The following FAM227A variants were observed in gnomAD, a reference collection of about 807,000 sequenced individuals.
FAM227A encodes the protein family with sequence similarity 227 member A.
FAM227A carries 80 observed loss-of-function variants against 74.7 expected under a neutral mutation model. That is an observed-to-expected ratio of 1.07 (90% CI 0.89 to 1.29). The LOEUF (loss-of-function observed/expected upper bound fraction) is 1.29, where lower values mean the gene tolerates loss of function less well. Among genes scored for constraint, FAM227A ranks in the 50% most tolerant of loss-of-function variants. The pLI is 0.00. For missense variants in FAM227A, 654 were observed against 683.4 expected (o/e 0.96, Z 0.48); for synonymous variants, 237 against 241.8 (o/e 0.98, Z 0.19).
chr22:38,623,374 G>A (rs1474653963), intron 9 of FAM227A, 95 bp from the exon 10 acceptor site: 2 of 750,144 alleles, frequency 2.7e-6, no homozygotes, highest in Admixed American at 2.3e-5. Flanking sequence ...AGGATTGCTT[G>A]AGCCCAGGAG....
rs1208742686 is a variant in FAM227A at position 38,620,263 on chromosome 22, C to T, written c.987G>A (p.Lys329=). ...KGREFSLFAG[K]RAFSQKPAQS... is the part of the protein sequence containing the mutation. ...GGGCTGGCTTCTGGGAGAAGGCTCT[C>T]TTACCAGCAAACAAAGAAAACTCTC... Residue 329 remains lysine (K), a synonymous_variant, in exon 11 of 17, where the codon AAG becomes AAA. Coordinates refer to ENST00000535113, the MANE Select transcript of FAM227A (RefSeq NM_001013647.2). 1 of 1,551,266 alleles carries T rather than the reference C, an allele frequency of 6.4e-7. No homozygotes were observed. The highest frequency in any genetic ancestry group is 8.7e-7 in the Non-Finnish European group (1 of 1,146,740).
chr22:38,633,198 C>T (rs147504454), intron 6 of FAM227A, among the ~76,000 whole-genome samples: 205 of 152,242 alleles, frequency 1.3e-3, no homozygotes, highest in African/African-American at 4.4e-3. Flanking sequence ...AAGGTCCTTT[C>T]GAAGACGGGG....
At chr22:38,619,875 G>A (rs963417470) in intron 11 of FAM227A, among the ~76,000 whole-genome samples, 1 of 152,126 alleles carries the variant, frequency 6.6e-6, no homozygotes, top group Non-Finnish European at 1.5e-5. Context: ...ACGTATCAGG[G>A]ATGACTGCTA....
chr22:38,643,873 C>T lies in FAM227A; in HGVS notation c.225+1690G>A, dbSNP rs557625131. Among the ~76,000 whole-genome samples the T allele has an allele frequency of 1.4e-3, 206 of 152,246 alleles. 2 individuals carry two copies. Among genetic ancestry groups the T allele is most frequent in the African/African-American group, 4.6e-3 (193 of 41,534 alleles). On this transcript the variant is annotated intron_variant, in intron 3 of 16. Transcript: ENST00000535113. ...TTGTTCCCAGAGGGAACTGGCCAGGCGCAGTGGCTCACGCCTGTAATCCCA... is the reference window on the plus strand; with the variant it reads ...TTGTTCCCAGAGGGAACTGGCCAGGTGCAGTGGCTCACGCCTGTAATCCCA...
intron 2 of FAM227A, among the ~76,000 whole-genome samples, chr22:38,646,813 C>A (rs9610993): frequency 0.29 from 44,746 of 151,726 alleles, 6,678 homozygotes; most frequent in East Asian, 0.36. Flanking sequence ...CTTAACTGTT[C>A]CTTGGATATT....
At chr22:38,607,251 T>C (rs1393111421) in intron 12 of FAM227A, 138 bp downstream of exon 12, 2 of 575,232 alleles carry the variant, frequency 3.5e-6, no homozygotes, top group Non-Finnish European at 6.3e-6. Context: ...AAAATATTAC[T>C]TGGTGCCAAG....
At chr22:38,634,314 A>G (rs1312119972) in intron 6 of FAM227A, among the ~76,000 whole-genome samples, 1 of 151,524 alleles carries the variant, frequency 6.6e-6, no homozygotes, top group Non-Finnish European at 1.5e-5. Flanking sequence ...GTTAACATAC[A>G]CTCTTTATAA....
At chr22:38,608,943 G>A (rs192148149) in intron 11 of FAM227A, among the ~76,000 whole-genome samples, 26 of 151,676 alleles carry the variant, frequency 1.7e-4, no homozygotes, top group Non-Finnish European at 7.4e-5. Flanking sequence ...TTACAGGTGT[G>A]TGCCACCACA....
intron 6 of FAM227A, among the ~76,000 whole-genome samples, chr22:38,634,679 G>A (rs989992398): frequency 6.6e-6 from 1 of 152,134 alleles, no homozygotes; most frequent in Non-Finnish European, 1.5e-5. Flanking sequence ...TGTCCTGTAG[G>A]GAACGTGATG....
chr22:38,590,326 C>G (rs2146137415), intron 16 of FAM227A, among the ~76,000 whole-genome samples: 1 of 147,946 alleles, frequency 6.8e-6, no homozygotes, highest in African/African-American at 2.5e-5. Context: ...TGCAAAGACT[C>G]AAATAATTTC....
At position 38,580,480 on chromosome 22, in the gene FAM227A, T is replaced by C. The variant is rs1221226132; in HGVS notation, c.*5645A>G. 1 of 152,202 alleles carries C rather than the reference T, an allele frequency of 6.6e-6. No homozygotes were observed. The highest frequency in any genetic ancestry group is 2.4e-5 in the African/African-American group (1 of 41,444). The allele number at this position is 152,202 out of a possible 1,614,324, so 9.4% of individuals were successfully genotyped here. A position where few individuals can be genotyped will look rare whatever the true frequency, so the allele number is the denominator to read the frequency against. ...TAAGACTATTTGATAGGTGGTCTTATGGTCTAGTATCAAAAGGCATTTAAT... is the reference window on the plus strand; with the variant it reads ...TAAGACTATTTGATAGGTGGTCTTACGGTCTAGTATCAAAAGGCATTTAAT... On this transcript the variant is annotated 3_prime_UTR_variant, in exon 17 of 17. Coordinates refer to ENST00000535113, the MANE Select transcript of FAM227A (RefSeq NM_001013647.2).
intron 6 of FAM227A, among the ~76,000 whole-genome samples, chr22:38,629,380 T>C (rs1439267215): frequency 2.0e-5 from 3 of 152,260 alleles, no homozygotes; most frequent in Non-Finnish European, 4.4e-5. Flanking sequence ...AGCAGAGATG[T>C]AGCTTCCGTT....
At position 38,637,894 on chromosome 22, in the gene FAM227A, C is replaced by T. The variant is rs190823424; in HGVS notation, c.372+852G>A. ...TAAAGAACAAGCTAAGGGCTGGGCACGGTGGCTCACACCTGTAATCCCAGC... is the reference window on the plus strand; with the variant it reads ...TAAAGAACAAGCTAAGGGCTGGGCATGGTGGCTCACACCTGTAATCCCAGC... On this transcript the variant is annotated intron_variant, in intron 5 of 16. Transcript: ENST00000535113. Among the ~76,000 whole-genome samples, 21 of 152,276 alleles carry T rather than the reference C, an allele frequency of 1.4e-4. No homozygotes were observed. In the East Asian group the frequency reaches 3.7e-3, roughly 27 times the overall value.
intron 11 of FAM227A, among the ~76,000 whole-genome samples, chr22:38,609,727 C>T (rs141571302): frequency 6.6e-6 from 1 of 152,194 alleles, no homozygotes; most frequent in African/African-American, 2.4e-5. Context: ...GGAAAACACT[C>T]CCAGGGCTCA....
intron 8 of FAM227A, among the ~76,000 whole-genome samples, chr22:38,627,596 G>GT (rs578018879): frequency 0.023 from 3,368 of 147,484 alleles, 124 homozygotes; most frequent in African/African-American, 0.078. Flanking sequence ...GAAAGGGAAA[G>GT]TTTTTTTTTT....
At chr22:38,633,551 T>C (rs1176322249) in intron 6 of FAM227A, among the ~76,000 whole-genome samples, 4 of 152,206 alleles carry the variant, frequency 2.6e-5, no homozygotes, top group Middle Eastern at 3.4e-3. Context: ...TAATATTTTT[T>C]TGTTTGTTTG....
chr22:38,654,518 A>G (rs183148695), intron 1 of FAM227A, among the ~76,000 whole-genome samples: 1 of 152,056 alleles, frequency 6.6e-6, no homozygotes, highest in East Asian at 1.9e-4. Context: ...ATGTGACTGA[A>G]TAAGTAAAAT....
chr22:38,634,933 A>G (rs1223848057), intron 6 of FAM227A, among the ~76,000 whole-genome samples: 1 of 152,156 alleles, frequency 6.6e-6, no homozygotes, highest in African/African-American at 2.4e-5. Context: ...GAGAGAAGGC[A>G]GCAGGAAGAA....
chr22:38,638,876 C>T, intron 4 of FAM227A, 54 bp from the exon 5 acceptor site: 1 of 1,146,770 alleles, frequency 8.7e-7, no homozygotes, highest in Non-Finnish European at 1.2e-6. Flanking sequence ...CTGTCCACAG[C>T]TGTGCGGTGC....
Sources: gnomAD v4.1 joint callset for allele counts (sites outside exome capture counted in the v4.1 genomes callset) on GRCh38, gnomAD v4.1.1 for gene constraint, MANE v1.5 for transcripts, NCBI Gene and HGNC (gene_info 2026-07-23, HGNC 2026-07-21) for gene names.